The following CCDC3 variants were observed in gnomAD, a reference collection of about 807,000 sequenced individuals.
The protein encoded by CCDC3 is coiled-coil domain containing 3.
CCDC3 carries 24 observed loss-of-function variants against 21.4 expected under a neutral mutation model. The observed-to-expected ratio is 1.12, with a 90% confidence interval of 0.81 to 1.58. The LOEUF (loss-of-function observed/expected upper bound fraction) is 1.58, where lower values mean the gene tolerates loss of function less well. Among genes scored for constraint, CCDC3 ranks in the 40% most tolerant of loss-of-function variants. The pLI is 0.00. For synonymous variants in CCDC3, 186 were observed against 166.0 expected (o/e 1.12, Z -0.93); for missense variants, 425 against 360.9 (o/e 1.18, Z -1.44).
rs1836732455 is a variant in CCDC3, at chr10:13,059,857, AG to A, written c.-269-9917del. 2.0e-5 allele frequency among the ~76,000 whole-genome samples: 3 copies of A among 152,252 alleles called. 1 individual carries two copies. In the Middle Eastern group the frequency reaches 0.01, roughly 518 times the overall value. ...GTAATCCCAGCACTTTGGGAGGCCGAGGAGGGCGGATCATGAGGTCAGGAGA... is the reference window on the plus strand; with the variant it reads ...GTAATCCCAGCACTTTGGGAGGCCGAGAGGGCGGATCATGAGGTCAGGAGA... On this transcript the variant is annotated intron_variant, in intron 4 of 6. Transcript: ENST00000378839.
chr10:12,953,369 C>T (rs1234287960), intron 2 of CCDC3, among the ~76,000 whole-genome samples: 1 of 152,154 alleles, frequency 6.6e-6, no homozygotes, highest in Non-Finnish European at 1.5e-5. Flanking sequence ...GGGGACACAG[C>T]CAAACCCTAT....
At chr10:12,986,997 G>A (rs1258266972) in intron 2 of CCDC3, among the ~76,000 whole-genome samples, 2 of 152,064 alleles carry the variant, frequency 1.3e-5, no homozygotes, top group South Asian at 2.1e-4. Flanking sequence ...TCTTCTTCGA[G>A]TGTGAACTGC....
At chr10:12,965,507 G>A (rs1310758733) in intron 2 of CCDC3, among the ~76,000 whole-genome samples, 4 of 152,132 alleles carry the variant, frequency 2.6e-5, no homozygotes, top group Admixed American at 6.5e-5. Flanking sequence ...ATAAATTTAC[G>A]ATTCCTACTC....
Position 12,915,043 on chromosome 10 carries a change from A to G in CCDC3, c.550-16364T>C, listed in dbSNP as rs572409151. Among the ~76,000 whole-genome samples the G allele has an allele frequency of 1.2e-3, 189 of 152,048 alleles. 1 individual carries two copies. Among genetic ancestry groups the G allele is most frequent in the Non-Finnish European group, 2.1e-3 (141 of 67,982 alleles). The stretch of plus-strand genomic sequence containing the variant: ...TTTGGTATGTTGTGTTTCCATTTTC[A>G]TTTGTCTCATGACACTTTAAACATT... On this transcript the variant is annotated intron_variant, in intron 2 of 2. Coordinates refer to ENST00000378825, the MANE Select transcript of CCDC3 (RefSeq NM_031455.4).
chr10:12,957,872 G>T (rs1419652462), intron 2 of CCDC3, among the ~76,000 whole-genome samples: 1 of 152,116 alleles, frequency 6.6e-6, no homozygotes, highest in Non-Finnish European at 1.5e-5. Flanking sequence ...GTGAGAAGGA[G>T]CCTCGCTCTG....
rs1433270265 is a variant in CCDC3 at position 13,050,724 on chromosome 10, G to A, written c.-269-783C>T. On this transcript the variant is annotated intron_variant, in intron 4 of 6. Transcript: ENST00000378839. ...TCCACCCGCCTCAGCCTCCCAAAGT[G>A]CTTAGATTACAGGCGTGAACCACCG... Among the ~76,000 whole-genome samples the A allele has an allele frequency of 2.0e-5, 3 of 152,068 alleles. No homozygotes were observed. In the East Asian group the frequency reaches 5.8e-4, roughly 29 times the overall value.
chr10:12,968,654 T>C (rs1302676986), intron 2 of CCDC3, among the ~76,000 whole-genome samples: 1 of 152,216 alleles, frequency 6.6e-6, no homozygotes, highest in Non-Finnish European at 1.5e-5. Context: ...GATGAAACTA[T>C]TTAAAATAAT....
intron 3 of CCDC3, among the ~76,000 whole-genome samples, chr10:13,081,559 C>T (rs563139008): frequency 2.0e-5 from 3 of 152,180 alleles, no homozygotes; most frequent in South Asian, 2.1e-4. Flanking sequence ...GTTAAAGCTA[C>T]GAAAACTTAA....
At chr10:13,016,194 T>C (rs1836056489) in intron 5 of CCDC3, among the ~76,000 whole-genome samples, 1 of 151,966 alleles carries the variant, frequency 6.6e-6, no homozygotes, top group Admixed American at 6.6e-5. Context: ...GCAACCGAGT[T>C]ACCTCCTCTC....
intron 2 of CCDC3, among the ~76,000 whole-genome samples, chr10:12,900,349 A>C (rs888329256): frequency 2.8e-4 from 43 of 151,916 alleles, no homozygotes; most frequent in Non-Finnish European, 2.1e-4. Flanking sequence ...CCAAAGAAAG[A>C]CTTGAGCCTC....
At position 12,942,892 on chromosome 10, in the gene CCDC3, G is replaced by A. The variant is rs143892527; in HGVS notation, c.550-44213C>T. On this transcript the variant is annotated intron_variant, in intron 2 of 2. Transcript: ENST00000378825. ...TTAAACTCACTCCTTGTGTGTCCTCGTCCTTGATCTCCTTGGTGTGAGGCA... is the reference window on the plus strand; with the variant it reads ...TTAAACTCACTCCTTGTGTGTCCTCATCCTTGATCTCCTTGGTGTGAGGCA... Among the ~76,000 whole-genome samples, 358 of 152,166 alleles carry A rather than the reference G, an allele frequency of 2.4e-3. 2 individuals are homozygous for A. The highest frequency in any genetic ancestry group is 8.2e-3 in the African/African-American group (339 of 41,534).
intron 2 of CCDC3, among the ~76,000 whole-genome samples, chr10:12,908,387 A>T (rs760621874): frequency 1.3e-4 from 19 of 150,886 alleles, no homozygotes; most frequent in Non-Finnish European, 2.4e-4. Context: ...AACATGCAGC[A>T]AGAATAGACT....
intron 2 of CCDC3, among the ~76,000 whole-genome samples, chr10:12,935,648 C>T (rs1277854504): frequency 6.6e-6 from 1 of 151,592 alleles, no homozygotes; most frequent in Non-Finnish European, 1.5e-5. Flanking sequence ...ACAGTATACA[C>T]ATACAACCAA....
chr10:12,934,663 T>C lies in CCDC3; in HGVS notation c.550-35984A>G, dbSNP rs78294791. Among the ~76,000 whole-genome samples, 829 of 152,332 alleles carry C rather than the reference T, an allele frequency of 5.4e-3. 7 individuals carry two copies. Among genetic ancestry groups the C allele is most frequent in the African/African-American group, 0.018 (750 of 41,580 alleles). ...CATAACATTAAGAATCATTATGCCT[T>C]CTTGGAGTAGTAACCCCATTATTAC... is the stretch of plus-strand genomic sequence containing the variant. On this transcript the variant is annotated intron_variant, in intron 2 of 2. Coordinates refer to ENST00000378825, the MANE Select transcript of CCDC3 (RefSeq NM_031455.4).
intron 4 of CCDC3, among the ~76,000 whole-genome samples, chr10:13,065,662 C>G (rs536718938): frequency 1.3e-5 from 2 of 152,168 alleles, no homozygotes; most frequent in African/African-American, 2.4e-5. Flanking sequence ...TGTCCTACCC[C>G]CTCCACAGAA....
At chr10:12,923,868 T>C (rs1031648435) in intron 2 of CCDC3, among the ~76,000 whole-genome samples, 2 of 152,202 alleles carry the variant, frequency 1.3e-5, no homozygotes, top group African/African-American at 4.8e-5. Flanking sequence ...ATGTGTATCT[T>C]TGCAAATATC....
intron 4 of CCDC3, among the ~76,000 whole-genome samples, chr10:13,071,054 C>T (rs148492363): frequency 4.7e-4 from 72 of 152,316 alleles, no homozygotes; most frequent in African/African-American, 1.7e-3. Flanking sequence ...AGTTATCCTG[C>T]AAATCCTTCC....
intron 2 of CCDC3, among the ~76,000 whole-genome samples, chr10:12,997,486 AAG>A (rs1835780609): frequency 6.6e-6 from 1 of 152,150 alleles, no homozygotes; most frequent in South Asian, 2.1e-4. Context: ...CCCAGATCGG[AAG>A]ACTCTTTTAT....
intron 4 of CCDC3, among the ~76,000 whole-genome samples, chr10:13,070,849 A>T (rs1286079785): frequency 3.3e-5 from 5 of 152,250 alleles, no homozygotes; most frequent in African/African-American, 1.2e-4. Context: ...AAAAATGAAG[A>T]CTAGAGAAAG....
Sources: allele counts gnomAD v4.1 joint callset (sites outside exome capture counted in the v4.1 genomes callset), GRCh38; gene constraint gnomAD v4.1.1; transcripts MANE v1.5; gene names NCBI Gene and HGNC (gene_info 2026-07-23, HGNC 2026-07-21).